Variants in PAWR observed in about 807,000 individuals in gnomAD.
PAWR encodes PRKC apoptosis WT1 regulator protein.
In PAWR, 23 loss-of-function variants were observed where a neutral mutation model predicts 32.0. The observed-to-expected ratio is 0.72, with a 90% CI of 0.52 to 1.02. The LOEUF (loss-of-function observed/expected upper bound fraction) is 1.02. Ranked by LOEUF, PAWR falls within the 50% of genes least tolerant of loss-of-function variation. The probability of loss-of-function intolerance (pLI) is 0.00; values close to 1 mark genes in which losing one functional copy is unlikely to be tolerated. For synonymous variants in PAWR, 226 were observed against 187.1 expected, an observed-to-expected ratio of 1.21 and a Z score of -1.70; for missense variants, 457 against 437.7, an observed-to-expected ratio of 1.04 and a Z score of -0.39.
At chr12:79,671,271 C>A (rs1877886293) in intron 2 of PAWR, among the ~76,000 whole-genome samples, 1 of 152,030 alleles carries the variant, frequency 6.6e-6, no homozygotes, top group Admixed American at 6.6e-5. Context: ...AATCTCTTTT[C>A]TCTAATCAAT....
chr12:79,658,020 T>C lies in PAWR; in HGVS notation c.516+31709A>G, dbSNP rs190906551. Among the ~76,000 whole-genome samples, 541 of 152,168 alleles carry C rather than the reference T, an allele frequency of 3.6e-3. 6 individuals are homozygous for C. The highest frequency in any genetic ancestry group is 0.012 in the African/African-American group (487 of 41,518). ...AAGGCCTTAAAATGTCCAATGTGCATATGACTGAAAGACTATGAGGTGGGC... is the reference window on the plus strand; with the variant it reads ...AAGGCCTTAAAATGTCCAATGTGCACATGACTGAAAGACTATGAGGTGGGC... On this transcript the variant is annotated intron_variant, in intron 2 of 6. Coordinates refer to ENST00000328827, the MANE Select transcript of PAWR (RefSeq NM_002583.4).
intron 3 of PAWR, among the ~76,000 whole-genome samples, chr12:79,614,117 T>A (rs896226226): frequency 7.0e-6 from 1 of 143,340 alleles, no homozygotes; most frequent in Non-Finnish European, 1.5e-5. Context: ...TTCAAGTGAT[T>A]CTCCTGCCTC....
chr12:79,599,443 T>C (rs752457181), intron 4 of PAWR, among the ~76,000 whole-genome samples: 2 of 152,238 alleles, frequency 1.3e-5, no homozygotes, highest in Non-Finnish European at 2.9e-5. Flanking sequence ...ATTTACATTC[T>C]GGTACAAGCT....
At chr12:79,623,004 A>G (rs1875099271) in intron 2 of PAWR, among the ~76,000 whole-genome samples, 2 of 152,202 alleles carry the variant, frequency 1.3e-5, no homozygotes, top group Non-Finnish European at 2.9e-5. Flanking sequence ...GAATGATGTT[A>G]CAATGCTATA....
At chr12:79,630,877 C>A (rs1227758122) in intron 2 of PAWR, among the ~76,000 whole-genome samples, 3 of 149,978 alleles carry the variant, frequency 2.0e-5, no homozygotes, top group African/African-American at 2.5e-5. Flanking sequence ...AAAAAAAATT[C>A]TAAAATAATA....
intron 5 of PAWR, among the ~76,000 whole-genome samples, chr12:79,595,786 A>G (rs980505702): frequency 6.6e-6 from 1 of 152,178 alleles, no homozygotes; most frequent in African/African-American, 2.4e-5. Flanking sequence ...TGGGAAGTGG[A>G]GGTTGCAGTG....
chr12:79,614,087 C>T (rs768658953), intron 3 of PAWR, among the ~76,000 whole-genome samples: 89 of 139,618 alleles, frequency 6.4e-4, no homozygotes, highest in Admixed American at 2.0e-3. Context: ...CTGGGCTCAC[C>T]GCAACCTCTG....
chr12:79,606,601 T>C (rs1874193914), intron 4 of PAWR, among the ~76,000 whole-genome samples: 1 of 152,150 alleles, frequency 6.6e-6, no homozygotes, highest in African/African-American at 2.4e-5. Flanking sequence ...GAAGTTACTT[T>C]TCGGGAAAAA....
At chr12:79,648,795 A>G (rs1876704073) in intron 2 of PAWR, among the ~76,000 whole-genome samples, 1 of 149,628 alleles carries the variant, frequency 6.7e-6, no homozygotes, top group Non-Finnish European at 1.5e-5. Context: ...AGGGGCTAGA[A>G]AAAAAAAAAT....
intron 2 of PAWR, among the ~76,000 whole-genome samples, chr12:79,653,701 A>C (rs1034075052): frequency 6.6e-6 from 1 of 151,448 alleles, no homozygotes; most frequent in African/African-American, 2.4e-5. Context: ...TTTGTCTCGA[A>C]CTCCCAACCT....
intron 2 of PAWR, among the ~76,000 whole-genome samples, chr12:79,622,007 AAAAC>A (rs1211396660): frequency 6.6e-6 from 1 of 152,108 alleles, no homozygotes; most frequent in Non-Finnish European, 1.5e-5. Flanking sequence ...CCTCCAGACA[AAAAC>A]AAATAAACAA....
chr12:79,684,428 T>C (rs1176782704), intron 2 of PAWR, among the ~76,000 whole-genome samples: 1 of 152,064 alleles, frequency 6.6e-6, no homozygotes, highest in East Asian at 1.9e-4. Flanking sequence ...CTGGCCAACA[T>C]GGCGAAACAC....
chr12:79,643,104 T>G (rs933571478), intron 2 of PAWR, among the ~76,000 whole-genome samples: 1 of 152,178 alleles, frequency 6.6e-6, no homozygotes, highest in African/African-American at 2.4e-5. Flanking sequence ...TTGCACCCTA[T>G]TTTCTATACT....
chr12:79,667,534 A>G (rs916553378), intron 2 of PAWR, among the ~76,000 whole-genome samples: 1 of 152,238 alleles, frequency 6.6e-6, no homozygotes, highest in Non-Finnish European at 1.5e-5. Flanking sequence ...GGAAGAATGT[A>G]AAGATTACAA....
At chr12:79,636,051 A>C (rs1183427570) in intron 2 of PAWR, among the ~76,000 whole-genome samples, 1 of 152,152 alleles carries the variant, frequency 6.6e-6, no homozygotes, top group Non-Finnish European at 1.5e-5. Context: ...GAGATAAAAC[A>C]TGCTGCTTTT....
At chr12:79,646,177 G>C (rs1056328830) in intron 2 of PAWR, among the ~76,000 whole-genome samples, 1 of 152,164 alleles carries the variant, frequency 6.6e-6, no homozygotes, top group African/African-American at 2.4e-5. Flanking sequence ...AAGGCAAAGG[G>C]AAGGGATGGG....
chr12:79,641,994 G>T (rs546603438), intron 2 of PAWR, among the ~76,000 whole-genome samples: 9 of 150,382 alleles, frequency 6.0e-5, no homozygotes, highest in Non-Finnish European at 1.3e-4. Context: ...TGTAAAAAAT[G>T]TATTTCATTC....
chr12:79,682,109 TTA>T lies in PAWR; in HGVS notation c.516+7618_516+7619del. ...GTTCTGTATTTCAAACTGTATATTA[TTA>T]TGTTTATTTATCCTATTCTCTTAGT... On this transcript the variant is annotated intron_variant, in intron 2 of 6. Transcript: ENST00000328827. Among the ~76,000 whole-genome samples, 4 of 152,322 alleles carry T rather than the reference TTA, an allele frequency of 2.6e-5. 1 individual carries two copies. The highest frequency in any genetic ancestry group is 2.6e-4 in the Admixed American group (4 of 15,304).
At chr12:79,631,944 G>A (rs931048533) in intron 2 of PAWR, among the ~76,000 whole-genome samples, 2 of 151,546 alleles carry the variant, frequency 1.3e-5, no homozygotes, top group African/African-American at 4.8e-5. Context: ...ACCAGCCTGG[G>A]GAACATGATG....
Sources: gnomAD v4.1 joint callset for allele counts (sites outside exome capture counted in the v4.1 genomes callset) on GRCh38, gnomAD v4.1.1 for gene constraint, MANE v1.5 for transcripts, NCBI Gene and HGNC (gene_info 2026-07-23, HGNC 2026-07-21) for gene names.